The following PARD3 variants were observed in gnomAD, a reference collection of about 807,000 sequenced individuals.
PARD3 encodes the protein partitioning defective 3 homolog.
In PARD3, 75 loss-of-function variants were observed where a neutral mutation model predicts 155.4. The observed-to-expected ratio is 0.48, with a 90% confidence interval of 0.40 to 0.58. PARD3 has a LOEUF of 0.58. PARD3 is among the 20% of genes least tolerant of loss of function. The probability of loss-of-function intolerance (pLI) is 0.00; values close to 1 mark genes in which losing one functional copy is unlikely to be tolerated. For missense variants in PARD3, 1,642 were observed against 1,721.7 expected (o/e 0.95, Z 0.82); for synonymous variants, 576 against 610.5 (o/e 0.94, Z 0.83).
At chr10:34,481,683 C>T (rs1379943029) in intron 3 of PARD3, among the ~76,000 whole-genome samples, 1 of 152,152 alleles carries the variant, frequency 6.6e-6, no homozygotes, top group Non-Finnish European at 1.5e-5. Flanking sequence ...CATCCAGCTA[C>T]TTCAACCAAT....
chr10:34,447,615 A>G (rs1247882789), intron 5 of PARD3, among the ~76,000 whole-genome samples: 1 of 151,484 alleles, frequency 6.6e-6, no homozygotes, highest in African/African-American at 2.4e-5. Context: ...ACCTTGACCA[A>G]CATGATGAAA....
intron 22 of PARD3, among the ~76,000 whole-genome samples, chr10:34,238,196 T>C (rs1413017595): frequency 6.6e-6 from 1 of 152,202 alleles, no homozygotes; most frequent in Non-Finnish European, 1.5e-5. Flanking sequence ...TTCTTTTCAC[T>C]CTGCATTTCA....
At chr10:34,558,163 TA>T (rs891588918) in intron 2 of PARD3, among the ~76,000 whole-genome samples, 74 of 145,530 alleles carry the variant, frequency 5.1e-4, no homozygotes, top group South Asian at 6.6e-4. Flanking sequence ...ATCTTTTTGC[TA>T]AAAAAAAAAA....
At chr10:34,728,278 T>C (rs1047388175) in intron 1 of PARD3, among the ~76,000 whole-genome samples, 2 of 152,224 alleles carry the variant, frequency 1.3e-5, no homozygotes, top group Admixed American at 6.5e-5. Flanking sequence ...TTCAAATACA[T>C]ACAAATATTC....
chr10:34,549,513 T>C (rs2084367230), intron 2 of PARD3, among the ~76,000 whole-genome samples: 1 of 152,204 alleles, frequency 6.6e-6, no homozygotes, highest in Admixed American at 6.5e-5. Context: ...TTGTTTTGGC[T>C]GCTGATTCCA....
chr10:34,287,094 CA>C (rs1956434939), intron 20 of PARD3, among the ~76,000 whole-genome samples: 1 of 152,036 alleles, frequency 6.6e-6, no homozygotes, highest in Non-Finnish European at 1.5e-5. Context: ...ATTCAAGGGA[CA>C]GCATAAGGCG....
intron 20 of PARD3, among the ~76,000 whole-genome samples, chr10:34,289,420 C>A (rs1376887614): frequency 6.6e-6 from 1 of 151,956 alleles, no homozygotes; most frequent in East Asian, 1.9e-4. Context: ...AAACTCCTGG[C>A]CTCAAGGGAT....
chr10:34,791,515 C>T (rs1841610645), intron 1 of PARD3, among the ~76,000 whole-genome samples: 1 of 152,018 alleles, frequency 6.6e-6, no homozygotes, highest in Non-Finnish European at 1.5e-5. Context: ...TCAGCCCTCA[C>T]GAGAAGAGAC....
At chr10:34,268,037 T>A (rs1162882360) in intron 22 of PARD3, among the ~76,000 whole-genome samples, 2 of 152,186 alleles carry the variant, frequency 1.3e-5, no homozygotes, top group Non-Finnish European at 1.5e-5. Flanking sequence ...GCTGAGTGTA[T>A]CATTTATGAC....
chr10:34,625,780 G>A (rs753737735), intron 2 of PARD3, among the ~76,000 whole-genome samples: 4 of 151,968 alleles, frequency 2.6e-5, no homozygotes, highest in Admixed American at 6.6e-5. Context: ...GCGTGATGGC[G>A]CATGCCTGTA....
At chr10:34,274,145 T>C (rs764048855) in intron 21 of PARD3, among the ~76,000 whole-genome samples, 7 of 152,202 alleles carry the variant, frequency 4.6e-5, no homozygotes, top group African/African-American at 1.2e-4. Context: ...GAAATTTTTA[T>C]CAGGACTGTT....
At position 34,453,152 on chromosome 10, in the gene PARD3, T is replaced by A. The variant is rs149780839; in HGVS notation, c.583-2704A>T. Among the ~76,000 whole-genome samples the A allele has an allele frequency of 1.1e-3, 163 of 152,326 alleles. 3 individuals are homozygous for A. Among genetic ancestry groups the A allele is most frequent in the Admixed American group, 0.011 (163 of 15,292 alleles). On this transcript the variant is annotated intron_variant, in intron 4 of 24. Coordinates refer to ENST00000374788, the MANE Select transcript of PARD3 (RefSeq NM_001184785.2). The stretch of plus-strand genomic sequence containing the variant: ...GAATTTCAGACAATGGTGCTTACTG[T>A]ACCACACAAACTTCTTCACCTTCAT...
chr10:34,497,909 T>A (rs550798325), intron 3 of PARD3, among the ~76,000 whole-genome samples: 4 of 152,190 alleles, frequency 2.6e-5, no homozygotes, highest in African/African-American at 9.6e-5. Flanking sequence ...GTAAAACAGT[T>A]GCATTTTACC....
intron 1 of PARD3, among the ~76,000 whole-genome samples, chr10:34,786,447 G>A (rs1840972958): frequency 6.6e-6 from 1 of 152,222 alleles, no homozygotes; most frequent in Non-Finnish European, 1.5e-5. Flanking sequence ...ATATTTTACA[G>A]CAGTTAGGCC....
At position 34,382,798 on chromosome 10, in the gene PARD3, G is replaced by T. The variant is rs148582124; in HGVS notation, c.1141C>A (p.Arg381Ser). Residue 381 changes from arginine (R) to serine (S), a missense_variant, in exon 9 of 25, where the codon CGT becomes AGT. Arg to Ser is a moderately radical substitution (Grantham distance 110, BLOSUM62 -1). Transcript: ENST00000374788. ...ATATACTGGCTGTCAGGGCTAAAAC[G>T]GCTTGAATAGTAATTGTTCTTCTCA... ...QSEKNNYYSS[R>S]FSPDSQYIDN... is the part of the protein sequence containing the mutation. 6.2e-7 allele frequency: 1 copy of T among 1,614,134 alleles called. No homozygotes were observed. The highest frequency in any genetic ancestry group is 1.1e-5 in the South Asian group (1 of 91,074).
At chr10:34,654,892 T>C (rs550112252) in intron 2 of PARD3, among the ~76,000 whole-genome samples, 13 of 151,622 alleles carry the variant, frequency 8.6e-5, no homozygotes, top group African/African-American at 2.9e-4. Flanking sequence ...TGTTACCAGC[T>C]TTCCCCATCT....
intron 1 of PARD3, among the ~76,000 whole-genome samples, chr10:34,810,103 A>C (rs1220533486): frequency 6.6e-6 from 1 of 152,176 alleles, no homozygotes; most frequent in Non-Finnish European, 1.5e-5. Flanking sequence ...TAAAAAATAC[A>C]GGTCAAGCAT....
At chr10:34,141,126 G>A (rs866254821) in intron 22 of PARD3, among the ~76,000 whole-genome samples, 26 of 152,104 alleles carry the variant, frequency 1.7e-4, no homozygotes, top group African/African-American at 4.3e-4. Flanking sequence ...TATTTCTGTG[G>A]TTATGTACAA....
At chr10:34,347,874 A>G in intron 15 of PARD3, 91 bp downstream of exon 15, 1 of 902,472 alleles carries the variant, frequency 1.1e-6, no homozygotes, top group Non-Finnish European at 1.6e-6. Context: ...ATATTACACT[A>G]ATAGTACATT....
Sources: gnomAD v4.1 joint callset for allele counts (sites outside exome capture counted in the v4.1 genomes callset) on GRCh38, gnomAD v4.1.1 for gene constraint, MANE v1.5 for transcripts, NCBI Gene and HGNC (gene_info 2026-07-23, HGNC 2026-07-21) for gene names.